The following SDK2 variants were observed in gnomAD, a reference collection of about 807,000 sequenced individuals.
SDK2 encodes the protein sidekick cell adhesion molecule 2, also known as protein sidekick-2.
SDK2 carries 105 observed loss-of-function variants against 253.9 expected under a neutral mutation model. That is an observed-to-expected ratio of 0.41 (90% CI 0.35 to 0.49). The LOEUF (loss-of-function observed/expected upper bound fraction) is 0.49. Ranked by LOEUF, SDK2 falls within the 20% of genes least tolerant of loss-of-function variation. The pLI is 0.06. For synonymous variants in SDK2, 1,249 were observed against 1,234.9 expected (o/e 1.01, Z -0.24); for missense variants, 2,608 against 3,003.0 (o/e 0.87, Z 3.07).
At chr17:73,436,593 A>AAAT (rs1283327542) in intron 8 of SDK2, among the ~76,000 whole-genome samples, 14 of 150,940 alleles carry the variant, frequency 9.3e-5, no homozygotes, top group African/African-American at 2.9e-4. Flanking sequence ...AAAAAAAAAA[A>AAAT]AAAAAAAAAG....
At position 73,598,642 on chromosome 17, in the gene SDK2, C is replaced by T. The variant is rs540440174; in HGVS notation, c.64+45383G>A. ...AAGCTGCCCAGTAAGTGTGAGGCAG[C>T]GGGCACGACGTGGATCGCTGGCCTT... On this transcript the variant is annotated intron_variant, in intron 1 of 44. Transcript: ENST00000392650. Among the ~76,000 whole-genome samples the T allele has an allele frequency of 8.3e-5, 12 of 145,030 alleles. No individual in the cohort carries two copies. The South Asian group carries it at 1.1e-3, about 13-fold the overall frequency.
rs780617916 is a variant in SDK2 at position 73,361,678 on chromosome 17, TC to T, written c.5467+5del. On this transcript the variant is annotated splice_donor_5th_base_variant and intron_variant, in intron 39 of 44. Transcript: ENST00000392650. This position sits in a 1 kb window ranked among gnomAD's most constrained non-coding sequence, Gnocchi z 4.1. ...GGAAGACATGCCTGGTCCGTTGCTCTCCTACCTTCTCCGGGGCCCGTGGTGA... is the reference window on the plus strand; with the variant it reads ...GGAAGACATGCCTGGTCCGTTGCTCTCTACCTTCTCCGGGGCCCGTGGTGA... The T allele has an allele frequency of 2.5e-6, 4 of 1,610,526 alleles. No homozygotes were observed. Among genetic ancestry groups the T allele is most frequent in the Non-Finnish European group, 3.4e-6 (4 of 1,177,130 alleles).
At chr17:73,597,602 T>C (rs752311936) in intron 1 of SDK2, among the ~76,000 whole-genome samples, 4 of 152,064 alleles carry the variant, frequency 2.6e-5, no homozygotes, top group Non-Finnish European at 4.4e-5. Context: ...CTTATAAATA[T>C]GTATTCATAG....
Position 73,393,627 on chromosome 17 carries a change from C to G in SDK2, c.3831G>C (p.Leu1277=), listed in dbSNP as rs2062946999. 6.3e-7 allele frequency: 1 copy of G among 1,595,786 alleles called. No homozygotes were observed. The highest frequency in any genetic ancestry group is 1.3e-5 in the African/African-American group (1 of 74,656). ...GKYVLYEVQV[L]AFTRIGDGSP... ...TGCCGTCCCCGATGCGTGTGAAGGC[C>G]AGCACCTGGACTTCATAGAGCACGT... The change falls in exon 27 of 45, where the codon CTG becomes CTC. Residue 1277 remains leucine (L), a synonymous_variant. Coordinates refer to ENST00000392650, the MANE Select transcript of SDK2 (RefSeq NM_001144952.2).
intron 5 of SDK2, among the ~76,000 whole-genome samples, chr17:73,445,006 C>T (rs917998807): frequency 1.3e-5 from 2 of 152,168 alleles, no homozygotes; most frequent in African/African-American, 4.8e-5. Flanking sequence ...GAATGGATCC[C>T]CAATTCAGTT....
At chr17:73,419,047 G>C (rs2063205866) in intron 16 of SDK2, 119 bp downstream of exon 16, 1 of 1,142,474 alleles carries the variant, frequency 8.8e-7, no homozygotes, top group Non-Finnish European at 1.2e-6. Flanking sequence ...TTGTTACCTA[G>C]TCCTTCCTAG....
intron 18 of SDK2, among the ~76,000 whole-genome samples, chr17:73,413,203 G>A (rs902922081): frequency 2.0e-5 from 3 of 152,108 alleles, no homozygotes; most frequent in Admixed American, 6.6e-5. Flanking sequence ...TCTCACAGGA[G>A]CGTGAACCCT....
intron 44 of SDK2, among the ~76,000 whole-genome samples, chr17:73,342,496 C>T (rs2062447534): frequency 6.6e-6 from 1 of 152,202 alleles, no homozygotes; most frequent in Non-Finnish European, 1.5e-5. Flanking sequence ...GGGGGTCCAT[C>T]CCGCCCAGGA....
chr17:73,641,583 AC>A (rs1269018241), intron 1 of SDK2, among the ~76,000 whole-genome samples: 2 of 142,390 alleles, frequency 1.4e-5, no homozygotes, highest in African/African-American at 2.6e-5. Context: ...TCCAGCACCC[AC>A]CCCCCATCCC....
chr17:73,384,648 C>T (rs899553831), intron 32 of SDK2, among the ~76,000 whole-genome samples: 1 of 152,150 alleles, frequency 6.6e-6, no homozygotes, highest in Non-Finnish European at 1.5e-5. Flanking sequence ...GGCGAAACCC[C>T]GTCTCTACTA....
At chr17:73,506,166 G>C (rs953343055) in intron 2 of SDK2, among the ~76,000 whole-genome samples, 9 of 152,240 alleles carry the variant, frequency 5.9e-5, no homozygotes, top group African/African-American at 1.9e-4. Flanking sequence ...ATGATGCAGG[G>C]GCCCTTCACA....
chr17:73,610,492 C>T (rs528902863), intron 1 of SDK2, among the ~76,000 whole-genome samples: 6 of 152,316 alleles, frequency 3.9e-5, no homozygotes, highest in African/African-American at 9.6e-5. Context: ...GCATGCATGA[C>T]GCTTGGTATC....
chr17:73,431,825 GC>G lies in SDK2; in HGVS notation c.1313-157del, dbSNP rs1368837325. Among the ~76,000 whole-genome samples the G allele has an allele frequency of 6.6e-6, 1 of 152,152 alleles. No individual in the cohort carries two copies. The highest frequency in any genetic ancestry group is 6.5e-5 in the Admixed American group (1 of 15,286). On this transcript the variant is annotated intron_variant, in intron 10 of 44. Coordinates refer to ENST00000392650, the MANE Select transcript of SDK2 (RefSeq NM_001144952.2). The surrounding 1 kb of genome is among the most constrained non-coding windows in gnomAD (Gnocchi z 5.6). ...AGATGGCGGTGGGGCTGGGGTGGGGGCTGAGAGACCTGGAGAGCTTTCTGGC... is the reference window on the plus strand; with the variant it reads ...AGATGGCGGTGGGGCTGGGGTGGGGGTGAGAGACCTGGAGAGCTTTCTGGC...
intron 1 of SDK2, among the ~76,000 whole-genome samples, chr17:73,566,315 A>ATGTGTGTGTGTGTG (rs1348465708): frequency 2.6e-4 from 29 of 111,816 alleles, no homozygotes; most frequent in Middle Eastern, 4.0e-3. Context: ...ATTCTTATAT[A>ATGTGTGTGTGTGTG]TATATGTGTG....
At position 73,639,967 on chromosome 17, in the gene SDK2, C is replaced by T. The variant is rs778898363; in HGVS notation, c.64+4058G>A. Among the ~76,000 whole-genome samples the T allele has an allele frequency of 1.3e-5, 2 of 152,102 alleles. No homozygotes were observed. The highest frequency in any genetic ancestry group is 2.9e-5 in the Non-Finnish European group (2 of 68,024). On this transcript the variant is annotated intron_variant, in intron 1 of 44. Coordinates refer to ENST00000392650, the MANE Select transcript of SDK2 (RefSeq NM_001144952.2). This position sits in a 1 kb window ranked among gnomAD's most constrained non-coding sequence, Gnocchi z 4.3. ...TCAAATGCAATGATTCCCATTAGTC[C>T]TTAGGACAGAAGATAAGCCCATTCT...
intron 1 of SDK2, among the ~76,000 whole-genome samples, chr17:73,619,521 A>T (rs572095543): frequency 6.6e-6 from 1 of 152,340 alleles, no homozygotes; most frequent in South Asian, 2.1e-4. Context: ...TGGAGCTTGG[A>T]TAACTGGATA....
At chr17:73,508,785 C>A (rs1468331469) in intron 1 of SDK2, among the ~76,000 whole-genome samples, 14 of 152,206 alleles carry the variant, frequency 9.2e-5, no homozygotes, top group Admixed American at 9.2e-4. Flanking sequence ...TGAGCCCACA[C>A]CTCCCTCCGT....
chr17:73,484,460 G>C lies in SDK2; in HGVS notation c.225-12242C>G, dbSNP rs555154210. On this transcript the variant is annotated intron_variant, in intron 2 of 44. Coordinates refer to ENST00000392650, the MANE Select transcript of SDK2 (RefSeq NM_001144952.2). ...GACCTGCTGAATGCACAGTGGTGCT[G>C]GCTGAGAAGCCTCTTCCCTCACAGT... 5.9e-5 allele frequency among the ~76,000 whole-genome samples: 9 copies of C among 152,348 alleles called. No individual in the cohort carries two copies. In the East Asian group the frequency reaches 1.7e-3, roughly 29 times the overall value.
At chr17:73,445,679 T>C (rs2063448428) in intron 5 of SDK2, among the ~76,000 whole-genome samples, 1 of 151,148 alleles carries the variant, frequency 6.6e-6, no homozygotes. Flanking sequence ...GAAGCGTCAA[T>C]TGCTCCTCAC....
Sources: allele counts gnomAD v4.1 joint callset (sites outside exome capture counted in the v4.1 genomes callset), GRCh38; gene constraint gnomAD v4.1.1; non-coding constraint Gnocchi (gnomAD v3.1); transcripts MANE v1.5; gene names NCBI Gene and HGNC (gene_info 2026-07-23, HGNC 2026-07-21).